Variants in TYMS observed in about 807,000 individuals in gnomAD.
The protein encoded by TYMS is thymidylate synthase.
Under a neutral mutation model 39.3 loss-of-function variants are expected in TYMS, and 21 were observed. The ratio of observed to expected loss-of-function variants is 0.54; its 90% CI spans 0.38 to 0.77. The LOEUF (loss-of-function observed/expected upper bound fraction) is 0.77, where lower values mean the gene tolerates loss of function less well. TYMS is among the 30% of genes least tolerant of loss of function. The pLI is 0.00. For missense variants in TYMS, 273 were observed against 406.7 expected (o/e 0.67, Z 2.83); for synonymous variants, 171 against 162.2 (o/e 1.05, Z -0.41).
Position 673,280 on chromosome 18 carries a change from G to A in TYMS, c.*283G>A, listed in dbSNP as rs1273074714. ...ATGTATGTGCTCTTAGCAAAAACATGTATGTGCATTTCAATCCCACGTACT... is the reference window on the plus strand; with the variant it reads ...ATGTATGTGCTCTTAGCAAAAACATATATGTGCATTTCAATCCCACGTACT... On this transcript the variant is annotated 3_prime_UTR_variant, in exon 7 of 7. Transcript: ENST00000323274. 2 of 277,850 alleles carry A rather than the reference G, an allele frequency of 7.2e-6. No homozygotes were observed. Among genetic ancestry groups the A allele is most frequent in the Non-Finnish European group, 1.4e-5 (2 of 147,884 alleles). 17.2% of individuals were successfully genotyped at this position (277,850 alleles called of 1,614,324 possible).
At chr18:672,814 C>A in intron 6 of TYMS, 46 bp from the exon 7 acceptor site, 2 of 1,528,864 alleles carry the variant, frequency 1.3e-6, no homozygotes, top group Non-Finnish European at 1.8e-6. Flanking sequence ...GCAATTACAA[C>A]AGGTCGTACA....
intron 3 of TYMS, chr18:667,571 A>ATGGCGATGGCGATGGC (rs1368458016): frequency 1.1e-4 from 3 of 27,950 alleles, no homozygotes; most frequent in African/African-American, 7.9e-4. Context: ...ATGGTGATGG[A>ATGGCGATGGCGATGGC]GATGGTGATG....
chr18:667,358 T>A (rs1223382771), intron 3 of TYMS, among the ~76,000 whole-genome samples: 1 of 25,414 alleles, frequency 3.9e-5, no homozygotes, highest in Non-Finnish European at 6.8e-5. Flanking sequence ...ATGGTGATGG[T>A]GATGGAGATG....
intron 3 of TYMS, among the ~76,000 whole-genome samples, chr18:667,239 A>AGATGGT (rs1264608229): frequency 0.023 from 312 of 13,466 alleles, 66 homozygotes; most frequent in Non-Finnish European, 0.027. Context: ...ATGGAGATGG[A>AGATGGT]GATGGTGATG....
At chr18:670,414 C>T (rs2853532) in intron 4 of TYMS, 125,805 of 344,252 alleles carry the variant, frequency 0.37, 25,585 homozygotes, top group East Asian at 0.66. Flanking sequence ...TATTTGTAAT[C>T]TGGTGCCACG....
chr18:668,354 G>A (rs2074897553), intron 3 of TYMS, among the ~76,000 whole-genome samples: 2 of 152,114 alleles, frequency 1.3e-5, no homozygotes, highest in African/African-American at 4.8e-5. Context: ...TTAACCAAAG[G>A]AGATTATGAA....
chr18:657,701 GCCGCGCCACTTCGCCTGCCTCCGTCCCC>G lies in TYMS; in HGVS notation c.-40_-13del. ...GCGCCACTTGGCCTGCCTCCGTCCC[GCCGCGCCACTTCGCCTGCCTCCGTCCCC>G]CGCCCGCCGCGCCATGCCTGTGGCC... is the stretch of plus-strand genomic sequence containing the variant. On this transcript the variant is annotated 5_prime_UTR_variant, in exon 1 of 7. Coordinates refer to ENST00000323274, the MANE Select transcript of TYMS (RefSeq NM_001071.4). 1 of 962,086 alleles carries G rather than the reference GCCGCGCCACTTCGCCTGCCTCCGTCCCC, an allele frequency of 1.0e-6. No homozygotes were observed. Among genetic ancestry groups the G allele is most frequent in the South Asian group, 2.8e-5 (1 of 36,342 alleles). The allele number at this position is 962,086 out of a possible 1,614,324, so 59.6% of individuals were successfully genotyped here.
In TYMS at chr18:673,099, C is replaced by G; in HGVS notation, c.*102C>G. 1.6e-6 allele frequency: 2 copies of G among 1,285,184 alleles called. No individual in the cohort carries two copies. Among genetic ancestry groups the G allele is most frequent in the Non-Finnish European group, 1.0e-6 (1 of 955,096 alleles). 79.6% of individuals were successfully genotyped at this position (1,285,184 alleles called of 1,614,324 possible). On this transcript the variant is annotated 3_prime_UTR_variant, in exon 7 of 7. Transcript: ENST00000323274. Reference sequence around the variant, plus strand: ...GCTCTAAAAGAAAAAGGAACTAGGTCAAAAATCTGTCCGTGACCTATCAGT... The same window carrying G: ...GCTCTAAAAGAAAAAGGAACTAGGTGAAAAATCTGTCCGTGACCTATCAGT...
chr18:671,646 A>G (rs1052463342), intron 6 of TYMS, 195 bp downstream of exon 6: 2 of 613,068 alleles, frequency 3.3e-6, no homozygotes, highest in Non-Finnish European at 5.7e-6. Context: ...TGGGCACTTA[A>G]CATGTCAGGT....
At chr18:671,747 A>C in intron 6 of TYMS, 1 of 391,130 alleles carries the variant, frequency 2.6e-6, no homozygotes, top group Non-Finnish European at 4.5e-6. Context: ...ACTCATTTTA[A>C]CTTGAAGGAG....
At position 658,421 on chromosome 18, in the gene TYMS, G is replaced by T; in HGVS notation, c.205+474G>T. On this transcript the variant is annotated intron_variant, in intron 1 of 6. Transcript: ENST00000323274. The surrounding 1 kb of genome is among the most constrained non-coding windows in gnomAD (Gnocchi z 4.5). ...TGATGTGGGCGGGGCAAAGGCGGCG[G>T]GAAGAGGAGAGCACTGAAGCTGGCG... The T allele has an allele frequency of 8.9e-7, 1 of 1,118,580 alleles. No homozygotes were observed. The highest frequency in any genetic ancestry group is 1.2e-6 in the Non-Finnish European group (1 of 857,896). The allele number at this position is 1,118,580 out of a possible 1,614,324, so 69.3% of individuals were successfully genotyped here. A position where few individuals can be genotyped will look rare whatever the true frequency, so the allele number is the denominator to read the frequency against.
intron 3 of TYMS, among the ~76,000 whole-genome samples, chr18:664,442 A>G (rs201024353): frequency 0.044 from 6,414 of 144,220 alleles, 501 homozygotes; most frequent in African/African-American, 0.16. Context: ...TTTTCTAGAT[A>G]TACAATCATG....
intron 3 of TYMS, among the ~76,000 whole-genome samples, chr18:664,212 CTCCTTGAAGAGG>C: frequency 6.6e-6 from 1 of 151,960 alleles, no homozygotes; most frequent in Admixed American, 6.6e-5. Flanking sequence ...GTTTGTAGTT[CTCCTTGAAGAGG>C]TCCTTCACAT....
rs1204049932 is a variant in TYMS at position 673,170 on chromosome 18, G to GTTCT, written c.*177_*180dup. ...GCCACTGGCAAATGTAACTGTGCCA[G>GTTCT]TTCTTTCCATAATAAAAGGCTTTGA... On this transcript the variant is annotated 3_prime_UTR_variant, in exon 7 of 7. Coordinates refer to ENST00000323274, the MANE Select transcript of TYMS (RefSeq NM_001071.4). 1 of 616,194 alleles carries GTTCT rather than the reference G, an allele frequency of 1.6e-6. No individual in the cohort carries two copies. Among genetic ancestry groups the GTTCT allele is most frequent in the Admixed American group, 3.2e-5 (1 of 31,398 alleles). 38.2% of individuals were successfully genotyped at this position (616,194 alleles called of 1,614,324 possible). A position where few individuals can be genotyped will look rare whatever the true frequency, so the allele number is the denominator to read the frequency against.
At position 658,631 on chromosome 18, in the gene TYMS, G is replaced by A; in HGVS notation, c.205+684G>A. On this transcript the variant is annotated intron_variant, in intron 1 of 6. Transcript: ENST00000323274. This position sits in a 1 kb window ranked among gnomAD's most constrained non-coding sequence, Gnocchi z 4.5. ...GGTCATTGGCGCCAGGCTTTCAGGGGACAGTGGGGCGGGGCGGGGTGGGCA... is the reference window on the plus strand; with the variant it reads ...GGTCATTGGCGCCAGGCTTTCAGGGAACAGTGGGGCGGGGCGGGGTGGGCA... 1.8e-5 allele frequency: 4 copies of A among 228,368 alleles called. No homozygotes were observed. Among genetic ancestry groups the A allele is most frequent in the Non-Finnish European group, 8.5e-6 (1 of 117,518 alleles). 14.1% of individuals were successfully genotyped at this position (228,368 alleles called of 1,614,324 possible).
At chr18:665,834 T>A (rs183742746) in intron 3 of TYMS, among the ~76,000 whole-genome samples, 1 of 97,436 alleles carries the variant, frequency 1.0e-5, no homozygotes, top group Non-Finnish European at 1.9e-5. Context: ...TTTGAGTGAG[T>A]TTCTTAGTTC....
At chr18:668,525 TG>T (rs1199215115) in intron 3 of TYMS, among the ~76,000 whole-genome samples, 7 of 152,200 alleles carry the variant, frequency 4.6e-5, no homozygotes, top group Admixed American at 2.6e-4. Context: ...TGTGTTGAGC[TG>T]CTAAACTCTA....
intron 3 of TYMS, among the ~76,000 whole-genome samples, chr18:667,023 A>AGATGGT (rs1187253620): frequency 2.4e-4 from 1 of 4,126 alleles, no homozygotes; most frequent in East Asian, 5.5e-3. Context: ...ATGGAGATGG[A>AGATGGT]GATGGTGATG....
At chr18:659,584 G>C (rs938899738) in intron 1 of TYMS, 57 bp from the exon 2 acceptor site, 1 of 1,473,926 alleles carries the variant, frequency 6.8e-7, no homozygotes, top group African/African-American at 1.4e-5. Context: ...CCTGAAGAAA[G>C]TTGGATGGCA....
Sources: gnomAD v4.1 joint callset for allele counts (sites outside exome capture counted in the v4.1 genomes callset) on GRCh38, gnomAD v4.1.1 for gene constraint, Gnocchi (gnomAD v3.1) non-coding constraint, MANE v1.5 for transcripts, NCBI Gene and HGNC (gene_info 2026-07-23, HGNC 2026-07-21) for gene names.